Variants in NUAK1 observed in about 807,000 individuals in gnomAD.
NUAK1 encodes the protein NUAK family kinase 1.
Under a neutral mutation model 56.9 loss-of-function variants are expected in NUAK1, and 26 were observed. The ratio of observed to expected loss-of-function variants is 0.46; its 90% CI spans 0.33 to 0.63. The LOEUF (loss-of-function observed/expected upper bound fraction) is 0.63. Among genes scored for constraint, NUAK1 ranks in the 30% least tolerant of loss-of-function variants. The probability of loss-of-function intolerance (pLI) is 0.02; values close to 1 mark genes in which losing one functional copy is unlikely to be tolerated. For missense variants in NUAK1, 727 were observed against 876.1 expected (o/e 0.83, Z 2.15); for synonymous variants, 337 against 336.0 (o/e 1.00, Z -0.03).
chr12:106,091,433 A>G (rs2032633863), intron 2 of NUAK1, among the ~76,000 whole-genome samples: 1 of 152,174 alleles, frequency 6.6e-6, no homozygotes, highest in African/African-American at 2.4e-5. Flanking sequence ...TACTATGCAG[A>G]TGGCACTGGG....
chr12:106,100,912 T>A (rs147283503), intron 2 of NUAK1, among the ~76,000 whole-genome samples: 1 of 152,384 alleles, frequency 6.6e-6, no homozygotes, highest in East Asian at 1.9e-4. Flanking sequence ...GCAAGTTCTT[T>A]AACAGCTTCT....
At chr12:106,092,290 G>A (rs1389334571) in intron 2 of NUAK1, among the ~76,000 whole-genome samples, 8 of 152,062 alleles carry the variant, frequency 5.3e-5, no homozygotes, top group African/African-American at 1.4e-4. Context: ...AGGCCGAGGC[G>A]GGTGGATCAT....
chr12:106,069,623 A>G (rs2032382911), intron 6 of NUAK1, among the ~76,000 whole-genome samples: 1 of 152,222 alleles, frequency 6.6e-6, no homozygotes, highest in African/African-American at 2.4e-5. Flanking sequence ...ACAAGGTTAT[A>G]TATCAATCAG....
chr12:106,131,226 C>A (rs1236141627), intron 1 of NUAK1, among the ~76,000 whole-genome samples: 3 of 152,148 alleles, frequency 2.0e-5, no homozygotes, highest in African/African-American at 4.8e-5. Flanking sequence ...ATAATTCACC[C>A]ATTTAAAGTG....
chr12:106,122,763 C>T (rs562266194), intron 1 of NUAK1, among the ~76,000 whole-genome samples: 2 of 152,326 alleles, frequency 1.3e-5, no homozygotes, highest in African/African-American at 2.4e-5. Flanking sequence ...AGAAGATACT[C>T]GGGTGTCCCC....
intron 1 of NUAK1, among the ~76,000 whole-genome samples, chr12:106,131,163 C>A (rs914633563): frequency 3.9e-5 from 6 of 152,092 alleles, no homozygotes; most frequent in Admixed American, 2.0e-4. Context: ...CACCCTGAGC[C>A]CCCCCCTTTT....
intron 4 of NUAK1, among the ~76,000 whole-genome samples, chr12:106,078,492 G>C (rs990798226): frequency 1.3e-5 from 2 of 152,332 alleles, no homozygotes; most frequent in East Asian, 3.9e-4. Flanking sequence ...GGCTGACGAG[G>C]AAATGCACTT....
At chr12:106,127,556 T>G (rs571818869) in intron 1 of NUAK1, among the ~76,000 whole-genome samples, 1 of 152,128 alleles carries the variant, frequency 6.6e-6, no homozygotes, top group Non-Finnish European at 1.5e-5. Flanking sequence ...CTGAATAGAA[T>G]GTATTTGCAT....
At chr12:106,084,045 C>T in intron 3 of NUAK1, 116 bp from the exon 4 acceptor site, 1 of 885,166 alleles carries the variant, frequency 1.1e-6, no homozygotes, top group Non-Finnish European at 1.8e-6. Context: ...AAGAAATGCA[C>T]CAGCCCGGTG....
chr12:106,086,723 C>A lies in NUAK1; in HGVS notation c.513+11G>T, dbSNP rs375228458. 1.3e-6 allele frequency: 2 copies of A among 1,599,210 alleles called. No homozygotes were observed. Among genetic ancestry groups the A allele is most frequent in the African/African-American group, 2.7e-5 (2 of 74,674 alleles). On this transcript the variant is annotated intron_variant, in intron 3 of 6. Transcript: ENST00000261402. The stretch of plus-strand genomic sequence containing the variant: ...TCTACGGCCAAAGCTGCGGGCCAGG[C>A]GCAGCCATACCTTGTGACAATAGTG...
chr12:106,084,667 C>T lies in NUAK1; in HGVS notation c.514-738G>A, dbSNP rs572085865. 3.9e-5 allele frequency among the ~76,000 whole-genome samples: 6 copies of T among 152,014 alleles called. No homozygotes were observed. The East Asian group carries it at 7.8e-4, about 20-fold the overall frequency. ...ATGACCAGCAGCCAGCCAGCTGAAA[C>T]GTGAAAAGCAGTCATCAGCCAATAG... On this transcript the variant is annotated intron_variant, in intron 3 of 6. Coordinates refer to ENST00000261402, the MANE Select transcript of NUAK1 (RefSeq NM_014840.3).
In NUAK1 at chr12:106,067,783, G is replaced by C; in HGVS notation, c.1005C>G (p.His335Gln). ...CAGCCTGCAGCCCTGTGGAACGGTG[G>C]TGCCAGTCAATGATCCGAGCCAGGA... ...SPLLARIIDWHHRSTGLQADT... is the reference protein window; with the variant it reads ...SPLLARIIDWQHRSTGLQADT... The change falls in exon 7 of 7, where the codon CAC becomes CAG. Residue 335 changes from histidine to glutamine, a missense_variant. His to Gln is a conservative substitution (Grantham distance 24, BLOSUM62 0). Transcript: ENST00000261402. The surrounding 1 kb of genome is among the most constrained non-coding windows in gnomAD (Gnocchi z 6.0). 1 of 1,614,220 alleles carries C rather than the reference G, an allele frequency of 6.2e-7. No homozygotes were observed. The highest frequency in any genetic ancestry group is 1.1e-5 in the South Asian group (1 of 91,090).
rs759887566 is a variant in NUAK1, at chr12:106,086,737, G to A, written c.510C>T (p.His170=). 1 of 1,610,410 alleles carries A rather than the reference G, an allele frequency of 6.2e-7. No homozygotes were observed. Among genetic ancestry groups the A allele is most frequent in the Non-Finnish European group, 8.5e-7 (1 of 1,176,938 alleles). Residue 170 remains histidine, a synonymous_variant, in exon 3 of 7, where the codon CAC becomes CAT. Transcript: ENST00000261402. ...TGCGGGCCAGGCGCAGCCATACCTT[G>A]TGACAATAGTGCACAGCAGAGACGA... ...RQIVSAVHYC[H]KNGVVHRDLK...
At chr12:106,109,208 G>C (rs556354423) in intron 1 of NUAK1, among the ~76,000 whole-genome samples, 1 of 152,150 alleles carries the variant, frequency 6.6e-6, no homozygotes, top group Non-Finnish European at 1.5e-5. Flanking sequence ...TCAGACAGCC[G>C]GTTAATGACA....
intron 1 of NUAK1, among the ~76,000 whole-genome samples, chr12:106,135,903 CG>C (rs1241760657): frequency 6.6e-6 from 1 of 152,170 alleles, no homozygotes; most frequent in South Asian, 2.1e-4. Context: ...AAGAACAACT[CG>C]TTGACCAATT....
chr12:106,104,819 G>A (rs1273503792), intron 2 of NUAK1, among the ~76,000 whole-genome samples: 2 of 151,844 alleles, frequency 1.3e-5, no homozygotes, highest in Non-Finnish European at 2.9e-5. Context: ...AAAAAAGAAT[G>A]GCAAAAAAAG....
At chr12:106,133,630 G>A (rs1275116356) in intron 1 of NUAK1, among the ~76,000 whole-genome samples, 22 of 152,198 alleles carry the variant, frequency 1.4e-4, no homozygotes. Flanking sequence ...TGAAAGTTAA[G>A]TGAGGGAAAA....
intron 1 of NUAK1, among the ~76,000 whole-genome samples, chr12:106,107,904 C>A (rs1411427415): frequency 1.3e-5 from 2 of 152,190 alleles, no homozygotes; most frequent in Non-Finnish European, 1.5e-5. Context: ...GCAGTCCTTA[C>A]CCCAGTTGTG....
chr12:106,082,304 C>G (rs567200164), intron 4 of NUAK1, among the ~76,000 whole-genome samples: 2 of 152,340 alleles, frequency 1.3e-5, no homozygotes, highest in South Asian at 4.1e-4. Flanking sequence ...CCTGCCATTA[C>G]TAAGGGGCAG....
Sources: gnomAD v4.1 joint callset for allele counts (sites outside exome capture counted in the v4.1 genomes callset) on GRCh38, gnomAD v4.1.1 for gene constraint, Gnocchi (gnomAD v3.1) non-coding constraint, MANE v1.5 for transcripts, NCBI Gene and HGNC (gene_info 2026-07-23, HGNC 2026-07-21) for gene names.